Variants in ERBIN observed in about 807,000 individuals in gnomAD.
ERBIN encodes densin-180-like protein.
ERBIN carries 60 observed loss-of-function variants against 158.4 expected under a neutral mutation model. The observed-to-expected ratio is 0.38, with a 90% CI of 0.31 to 0.47. The LOEUF is 0.47. Among genes scored for constraint, ERBIN ranks in the 20% least tolerant of loss-of-function variants. ERBIN has a pLI of 0.99. For synonymous variants in ERBIN, 594 were observed against 557.2 expected (o/e 1.07, Z -0.93); for missense variants, 1,610 against 1,648.0 (o/e 0.98, Z 0.40).
chr5:66,038,038 A>G (rs1757557793), intron 14 of ERBIN, among the ~76,000 whole-genome samples: 1 of 152,182 alleles, frequency 6.6e-6, no homozygotes, highest in African/African-American at 2.4e-5. Context: ...ATAATATACA[A>G]TGGAAAGGCT....
intron 16 of ERBIN, 127 bp downstream of exon 16, chr5:66,043,325 G>GAGGAC: frequency 2.2e-6 from 2 of 892,314 alleles, no homozygotes; most frequent in Non-Finnish European, 1.7e-6. Flanking sequence ...CAAGGCACTT[G>GAGGAC]AAGTGTTATT....
intron 1 of ERBIN, among the ~76,000 whole-genome samples, chr5:65,927,192 G>A (rs1030319405): frequency 3.3e-5 from 5 of 152,270 alleles, no homozygotes; most frequent in Middle Eastern, 3.4e-3. Flanking sequence ...AAGTTTGGTC[G>A]CTGCAGTGAG....
chr5:65,931,735 C>A (rs1187012853), intron 1 of ERBIN, among the ~76,000 whole-genome samples: 1 of 151,276 alleles, frequency 6.6e-6, no homozygotes, highest in Non-Finnish European at 1.5e-5. Context: ...ACAGTATGTT[C>A]TTTTGGCTAA....
intron 1 of ERBIN, among the ~76,000 whole-genome samples, chr5:65,951,203 CT>C (rs1295767249): frequency 1.3e-5 from 2 of 152,128 alleles, no homozygotes; most frequent in Non-Finnish European, 2.9e-5. Context: ...CTGCTGGCCT[CT>C]TAAGTATTTT....
intron 7 of ERBIN, among the ~76,000 whole-genome samples, chr5:66,016,014 A>G (rs1279402459): frequency 6.6e-6 from 1 of 152,216 alleles, no homozygotes; most frequent in Non-Finnish European, 1.5e-5. Flanking sequence ...TGACCAGCAT[A>G]TAACCTGCAT....
chr5:66,021,202 G>T, intron 7 of ERBIN, 120 bp from the exon 8 acceptor site: 2 of 495,706 alleles, frequency 4.0e-6, no homozygotes, highest in Non-Finnish European at 3.6e-6. Context: ...TTTTTATTTT[G>T]TCAACATGTG....
rs117490472 is a variant in ERBIN, at chr5:65,954,357, A to G, written c.-58+27551A>G. On this transcript the variant is annotated intron_variant, in intron 1 of 25. Transcript: ENST00000284037. ...GAAAATTAGTCTTTTTAGTCTATGC[A>G]TTGACTCTTGGGAAAGTATGTTGTG... 1.3e-3 allele frequency among the ~76,000 whole-genome samples: 191 copies of G among 152,304 alleles called. 2 individuals are homozygous for G. In the East Asian group the frequency reaches 0.023, roughly 19 times the overall value.
intron 4 of ERBIN, among the ~76,000 whole-genome samples, chr5:66,000,715 G>GT (rs1048301234): frequency 6.6e-6 from 1 of 151,960 alleles, no homozygotes; most frequent in Non-Finnish European, 1.5e-5. Flanking sequence ...TGCAGAATTG[G>GT]TTTTTTTGCA....
At chr5:66,009,126 A>G (rs970647396) in intron 4 of ERBIN, among the ~76,000 whole-genome samples, 1 of 152,156 alleles carries the variant, frequency 6.6e-6, no homozygotes, top group African/African-American at 2.4e-5. Flanking sequence ...TTCTAGCCCC[A>G]CTGCCACCAG....
chr5:65,952,679 T>G (rs1191742826), intron 1 of ERBIN, among the ~76,000 whole-genome samples: 1 of 152,228 alleles, frequency 6.6e-6, no homozygotes, highest in African/African-American at 2.4e-5. Context: ...TAGCATACTT[T>G]AAAATTTTTT....
intron 4 of ERBIN, among the ~76,000 whole-genome samples, chr5:66,008,602 T>C (rs1753869303): frequency 6.6e-6 from 1 of 152,202 alleles, no homozygotes; most frequent in African/African-American, 2.4e-5. Context: ...ACATATTATA[T>C]AGTCTTAGGT....
intron 1 of ERBIN, among the ~76,000 whole-genome samples, chr5:65,983,120 A>C (rs1453283309): frequency 2.6e-5 from 4 of 152,234 alleles, no homozygotes; most frequent in Non-Finnish European, 5.9e-5. Context: ...ACTTAATTGC[A>C]CAGTAATACA....
In ERBIN at chr5:65,990,521, T is replaced by G. The variant is rs192651802; in HGVS notation, c.-10+1839T>G. 2.1e-3 allele frequency among the ~76,000 whole-genome samples: 321 copies of G among 150,720 alleles called. 1 individual carries two copies. Among genetic ancestry groups the G allele is most frequent in the South Asian group, 6.5e-3 (31 of 4,796 alleles). On this transcript the variant is annotated intron_variant, in intron 2 of 25. Transcript: ENST00000284037. ...GTCTCTACTAAAAATACAAAAAAAATTAGCTGGGCATGGTGGCGGGCAGCT... is the reference window on the plus strand; with the variant it reads ...GTCTCTACTAAAAATACAAAAAAAAGTAGCTGGGCATGGTGGCGGGCAGCT...
Position 66,081,646 on chromosome 5 carries a change from G to T in ERBIN, c.*3116G>T, listed in dbSNP as rs1337141245. ...GCATTAAAACCCTGTATATCTAGGT[G>T]TGGAAGAAGTGTAGTTTATCTCAAA... On this transcript the variant is annotated 3_prime_UTR_variant, in exon 26 of 26. Transcript: ENST00000284037. 6.6e-6 allele frequency: 1 copy of T among 152,000 alleles called. No homozygotes were observed. Among genetic ancestry groups the T allele is most frequent in the Non-Finnish European group, 1.5e-5 (1 of 67,944 alleles). The allele number at this position is 152,000 out of a possible 1,614,324, so 9.4% of individuals were successfully genotyped here.
At chr5:66,049,456 G>A (rs1295836756) in intron 19 of ERBIN, among the ~76,000 whole-genome samples, 1 of 152,042 alleles carries the variant, frequency 6.6e-6, no homozygotes, top group East Asian at 1.9e-4. Flanking sequence ...CCTAGAATTT[G>A]TTGAGCACTA....
At chr5:66,072,722 A>G (rs1416239365) in intron 22 of ERBIN, among the ~76,000 whole-genome samples, 2 of 152,196 alleles carry the variant, frequency 1.3e-5, no homozygotes, top group African/African-American at 4.8e-5. Flanking sequence ...AGACTTTTGT[A>G]TATGGTAGAA....
chr5:66,066,042 G>A (rs909149483), intron 21 of ERBIN, among the ~76,000 whole-genome samples: 5 of 152,000 alleles, frequency 3.3e-5, no homozygotes, highest in East Asian at 3.9e-4. Flanking sequence ...CAAGTCTCTC[G>A]TGGGGATGCT....
chr5:66,081,389 C>G lies in ERBIN; in HGVS notation c.*2859C>G, dbSNP rs1319415450. ...ACACTTAATTCTTTTAAACACAAAA[C>G]TTGCCATAAGCAGAACCAAACTTTT... On this transcript the variant is annotated 3_prime_UTR_variant, in exon 26 of 26. Transcript: ENST00000284037. 4 of 151,982 alleles carry G rather than the reference C, an allele frequency of 2.6e-5. No homozygotes were observed. The highest frequency in any genetic ancestry group is 2.0e-4 in the Admixed American group (3 of 15,264). 9.4% of individuals were successfully genotyped at this position (151,982 alleles called of 1,614,324 possible). A position where few individuals can be genotyped will look rare whatever the true frequency, so the allele number is the denominator to read the frequency against.
chr5:66,025,558 T>G lies in ERBIN; in HGVS notation c.890+6T>G. On this transcript the variant is annotated splice_donor_region_variant and intron_variant, in intron 11 of 25. Coordinates refer to ENST00000284037, the MANE Select transcript of ERBIN (RefSeq NM_001253697.2). ...CTGCCAGACTCTATAGGAGGGTAAGTTTTTTGTGAATGTATACACCCTCGA... is the reference window on the plus strand; with the variant it reads ...CTGCCAGACTCTATAGGAGGGTAAGGTTTTTGTGAATGTATACACCCTCGA... The G allele has an allele frequency of 6.2e-7, 1 of 1,604,688 alleles. No homozygotes were observed. Among genetic ancestry groups the G allele is most frequent in the Non-Finnish European group, 8.5e-7 (1 of 1,172,130 alleles).
Sources: gnomAD v4.1 joint callset for allele counts (sites outside exome capture counted in the v4.1 genomes callset) on GRCh38, gnomAD v4.1.1 for gene constraint, MANE v1.5 for transcripts, NCBI Gene and HGNC (gene_info 2026-07-23, HGNC 2026-07-21) for gene names.